GMDS: variants seen among roughly 807,000 people sequenced by gnomAD.
The protein encoded by GMDS is GDP-mannose 4,6-dehydratase.
Under a neutral mutation model 49.9 loss-of-function variants are expected in GMDS, and 20 were observed. The ratio of observed to expected loss-of-function variants is 0.40; its 90% CI spans 0.28 to 0.58. The LOEUF (loss-of-function observed/expected upper bound fraction) is 0.58. GMDS is among the 20% of genes least tolerant of loss of function. GMDS has a pLI of 0.42. For synonymous variants in GMDS, 177 were observed against 178.6 expected (o/e 0.99, Z 0.07); for missense variants, 362 against 481.4 (o/e 0.75, Z 2.32).
intron 7 of GMDS, among the ~76,000 whole-genome samples, chr6:1,767,142 G>A (rs951338755): frequency 1.3e-5 from 2 of 151,876 alleles, no homozygotes; most frequent in Admixed American, 1.3e-4. Context: ...CTTCATATAC[G>A]AAATGTAAAC....
intron 4 of GMDS, among the ~76,000 whole-genome samples, chr6:1,982,550 G>A (rs192004788): frequency 6.6e-6 from 1 of 151,770 alleles, no homozygotes; most frequent in Admixed American, 6.6e-5. Flanking sequence ...GGATCACTGT[G>A]CAAAAACTAC....
chr6:1,941,713 T>C (rs945855474), intron 6 of GMDS, among the ~76,000 whole-genome samples: 1 of 152,138 alleles, frequency 6.6e-6, no homozygotes, highest in Non-Finnish European at 1.5e-5. Flanking sequence ...GGAAAGATCC[T>C]AGTGATGACG....
intron 4 of GMDS, among the ~76,000 whole-genome samples, chr6:2,015,740 T>C (rs952174161): frequency 6.6e-5 from 10 of 152,174 alleles, no homozygotes; most frequent in African/African-American, 2.4e-4. Context: ...GAACACACGT[T>C]TGTTCATGTC....
intron 1 of GMDS, among the ~76,000 whole-genome samples, chr6:2,198,564 A>G (rs1428761348): frequency 1.3e-5 from 2 of 152,170 alleles, no homozygotes; most frequent in Non-Finnish European, 2.9e-5. Context: ...AATAAACAAA[A>G]AAAAAAAAAC....
intron 9 of GMDS, among the ~76,000 whole-genome samples, chr6:1,673,967 A>ATTTTTTTTTTTTTTTTTTTTT (rs1554106276): frequency 6.7e-6 from 1 of 149,990 alleles, no homozygotes; most frequent in African/African-American, 2.4e-5. Context: ...GTTTAGGTTG[A>ATTTTTTTTTTTTTTTTTTTTT]TTATTAATAA....
intron 7 of GMDS, among the ~76,000 whole-genome samples, chr6:1,927,263 G>C (rs6941280): frequency 5.8e-4 from 4 of 6,850 alleles, no homozygotes; most frequent in African/African-American, 1.3e-3. Context: ...TAGCGTGTTG[G>C]TGTATTTTTA....
chr6:1,878,254 G>A (rs560100360), intron 7 of GMDS, among the ~76,000 whole-genome samples: 1 of 141,758 alleles, frequency 7.1e-6, no homozygotes, highest in Admixed American at 7.7e-5. Context: ...GGCGGAGCTT[G>A]CAGTGAGCCG....
At chr6:1,923,688 G>GAGC (rs1190254173) in intron 7 of GMDS, among the ~76,000 whole-genome samples, 1 of 152,210 alleles carries the variant, frequency 6.6e-6, no homozygotes, top group Non-Finnish European at 1.5e-5. Context: ...CAAGTAAACG[G>GAGC]AGCACCCTGT....
intron 6 of GMDS, among the ~76,000 whole-genome samples, chr6:1,958,051 CG>C (rs1763737635): frequency 6.6e-6 from 1 of 151,564 alleles, no homozygotes; most frequent in East Asian, 1.9e-4. Flanking sequence ...AGTGATCCCC[CG>C]AACTTAGCTT....
At chr6:1,920,624 TGA>T (rs1266089750) in intron 7 of GMDS, among the ~76,000 whole-genome samples, 1 of 152,236 alleles carries the variant, frequency 6.6e-6, no homozygotes, top group Non-Finnish European at 1.5e-5. Context: ...TCACATCTTG[TGA>T]GAGATATTTA....
intron 3 of GMDS, among the ~76,000 whole-genome samples, chr6:2,116,603 A>G (rs1196264978): frequency 1.3e-5 from 2 of 152,222 alleles, no homozygotes; most frequent in Admixed American, 1.3e-4. Context: ...AAAGCCTTTT[A>G]CTGTGGACAA....
chr6:2,022,774 A>G (rs1768355960), intron 4 of GMDS, among the ~76,000 whole-genome samples: 1 of 152,200 alleles, frequency 6.6e-6, no homozygotes, highest in Admixed American at 6.5e-5. Context: ...TTTACTTTAT[A>G]TGTAAAACAC....
At chr6:1,882,556 G>T (rs1759412520) in intron 7 of GMDS, among the ~76,000 whole-genome samples, 2 of 152,088 alleles carry the variant, frequency 1.3e-5, no homozygotes, top group Non-Finnish European at 2.9e-5. Context: ...AAACAGAAGA[G>T]AGAGAAATAA....
intron 1 of GMDS, among the ~76,000 whole-genome samples, chr6:2,154,166 A>G (rs2127540069): frequency 6.6e-6 from 1 of 152,298 alleles, no homozygotes; most frequent in South Asian, 2.1e-4. Context: ...AATTTAAATT[A>G]AAAGATTTTT....
At position 1,931,826 on chromosome 6, in the gene GMDS, A is replaced by G. The variant is rs1451430136; in HGVS notation, c.644-1596T>C. Among the ~76,000 whole-genome samples, 4 of 152,340 alleles carry G rather than the reference A, an allele frequency of 2.6e-5. No homozygotes were observed. The South Asian group carries it at 6.2e-4, about 24-fold the overall frequency. On this transcript the variant is annotated intron_variant, in intron 6 of 10. Transcript: ENST00000380815. ...TAATGTTTGGGAGTCCAATGGAAGT[A>G]TTTGACCCTATTCATACAATTTATT...
At chr6:1,914,317 G>A (rs1338269204) in intron 7 of GMDS, among the ~76,000 whole-genome samples, 7 of 151,100 alleles carry the variant, frequency 4.6e-5, no homozygotes, top group Non-Finnish European at 8.9e-5. Flanking sequence ...TTAGCCTGGC[G>A]TGGTGGTGGG....
chr6:1,904,617 T>C (rs917458611), intron 7 of GMDS, among the ~76,000 whole-genome samples: 3 of 152,264 alleles, frequency 2.0e-5, no homozygotes, highest in Non-Finnish European at 2.9e-5. Flanking sequence ...CTCACTGCTG[T>C]GTCCTTGAGC....
At chr6:1,642,153 CT>C (rs543577735) in intron 9 of GMDS, among the ~76,000 whole-genome samples, 22,189 of 110,590 alleles carry the variant, frequency 0.2, 2,259 homozygotes, top group East Asian at 0.4. Context: ...CAGTTTCCAT[CT>C]TTTTTTTTTT....
intron 7 of GMDS, among the ~76,000 whole-genome samples, chr6:1,785,204 T>TA (rs1453698359): frequency 6.6e-6 from 1 of 152,232 alleles, no homozygotes; most frequent in African/African-American, 2.4e-5. Flanking sequence ...TGTCTTGCTA[T>TA]AACAAATCTA....
Sources: gnomAD v4.1 joint callset for allele counts (sites outside exome capture counted in the v4.1 genomes callset) on GRCh38, gnomAD v4.1.1 for gene constraint, MANE v1.5 for transcripts, NCBI Gene and HGNC (gene_info 2026-07-23, HGNC 2026-07-21) for gene names.